The following CSMD1 variants were observed in gnomAD, a reference collection of about 807,000 sequenced individuals.
CSMD1 encodes CUB and sushi domain-containing protein 1.
Under a neutral mutation model 417.5 loss-of-function variants are expected in CSMD1, and 213 were observed. That is an observed-to-expected ratio of 0.51 (90% CI 0.46 to 0.57). The LOEUF (loss-of-function observed/expected upper bound fraction) is 0.57. CSMD1 is among the 20% of genes least tolerant of loss of function. The probability of loss-of-function intolerance (pLI) is 0.00; values close to 1 mark genes in which losing one functional copy is unlikely to be tolerated. For missense variants in CSMD1, 6,923 were observed against 4,529.7 expected (o/e 1.53, Z -15.17); for synonymous variants, 2,862 against 1,736.8 (o/e 1.65, Z -16.11).
intron 12 of CSMD1, among the ~76,000 whole-genome samples, chr8:3,419,371 G>C (rs1289159113): frequency 6.6e-6 from 1 of 152,176 alleles, no homozygotes; most frequent in East Asian, 1.9e-4. Context: ...TGAAGGTGCT[G>C]ATCACCAGAT....
intron 25 of CSMD1, among the ~76,000 whole-genome samples, chr8:3,286,976 A>C (rs544194136): frequency 6.3e-4 from 96 of 152,234 alleles, no homozygotes; most frequent in African/African-American, 2.3e-3. Context: ...TTAAGTCTTT[A>C]ATCCATCTTG....
chr8:3,627,439 A>G (rs1796548833), intron 7 of CSMD1, among the ~76,000 whole-genome samples: 1 of 152,212 alleles, frequency 6.6e-6, no homozygotes, highest in Non-Finnish European at 1.5e-5. Flanking sequence ...AGACATTAAC[A>G]TGCACTGAGA....
chr8:3,711,998 G>C (rs146850939), intron 6 of CSMD1, among the ~76,000 whole-genome samples: 2,063 of 152,252 alleles, frequency 0.014, 41 homozygotes, highest in African/African-American at 0.047. Flanking sequence ...TCTGAAAGCT[G>C]GATGAGCTAA....
chr8:4,093,486 G>A (rs576636620), intron 3 of CSMD1, among the ~76,000 whole-genome samples: 26 of 152,222 alleles, frequency 1.7e-4, no homozygotes, highest in Non-Finnish European at 2.8e-4. Flanking sequence ...AAGTTACATA[G>A]ATGTTATGTT....
At chr8:4,320,157 T>G (rs1044358859) in intron 3 of CSMD1, among the ~76,000 whole-genome samples, 5 of 152,112 alleles carry the variant, frequency 3.3e-5, no homozygotes, top group African/African-American at 1.2e-4. Context: ...AAAACTTTAT[T>G]TAGAGAAATG....
chr8:4,246,476 T>C (rs1272701885), intron 3 of CSMD1, among the ~76,000 whole-genome samples: 1 of 152,198 alleles, frequency 6.6e-6, no homozygotes, highest in Non-Finnish European at 1.5e-5. Flanking sequence ...ATTGGTCTTG[T>C]TACAGAGATA....
chr8:4,743,387 T>A (rs530324548), intron 1 of CSMD1, among the ~76,000 whole-genome samples: 5 of 152,156 alleles, frequency 3.3e-5, no homozygotes, highest in African/African-American at 4.8e-5. Context: ...GAAATTATCA[T>A]CATGAAACAC....
At chr8:4,043,636 T>G (rs1033012197) in intron 3 of CSMD1, among the ~76,000 whole-genome samples, 2 of 152,232 alleles carry the variant, frequency 1.3e-5, no homozygotes, top group Non-Finnish European at 2.9e-5. Flanking sequence ...GAAATGCATT[T>G]TTTAATTCTA....
intron 1 of CSMD1, among the ~76,000 whole-genome samples, chr8:4,759,856 A>G (rs1451197118): frequency 2.0e-5 from 3 of 152,238 alleles, no homozygotes; most frequent in East Asian, 1.9e-4. Flanking sequence ...TATTGTGAAT[A>G]GTACTGCAAT....
At chr8:3,569,067 TATA>T (rs1436618205) in intron 10 of CSMD1, among the ~76,000 whole-genome samples, 1 of 152,186 alleles carries the variant, frequency 6.6e-6, no homozygotes, top group Non-Finnish European at 1.5e-5. Context: ...ATACATATCA[TATA>T]ATATTACTTT....
intron 5 of CSMD1, among the ~76,000 whole-genome samples, chr8:3,779,990 A>G (rs1584986309): frequency 1.3e-5 from 2 of 152,222 alleles, no homozygotes; most frequent in East Asian, 3.8e-4. Flanking sequence ...GTGAACTTCC[A>G]AGCTCCTTTT....
chr8:4,030,756 G>C (rs758992593), intron 4 of CSMD1, among the ~76,000 whole-genome samples: 2 of 152,108 alleles, frequency 1.3e-5, no homozygotes, highest in African/African-American at 2.4e-5. Context: ...CACATTGTCA[G>C]ACTGCAAAGT....
chr8:3,523,500 G>A (rs973794299), intron 10 of CSMD1, among the ~76,000 whole-genome samples: 9 of 152,086 alleles, frequency 5.9e-5, no homozygotes, highest in South Asian at 2.1e-4. Context: ...GCTGGCAGCA[G>A]AAAGGTGATC....
intron 3 of CSMD1, among the ~76,000 whole-genome samples, chr8:4,402,742 C>CT (rs1159459018): frequency 2.0e-5 from 3 of 151,736 alleles, no homozygotes; most frequent in African/African-American, 7.3e-5. Context: ...ATTCAACTAC[C>CT]TCTTTGCATC....
chr8:3,633,047 A>G (rs980573860), intron 7 of CSMD1, among the ~76,000 whole-genome samples: 3 of 152,364 alleles, frequency 2.0e-5, no homozygotes, highest in African/African-American at 7.2e-5. Flanking sequence ...TTTTAGTGTT[A>G]GAGTCTGCCC....
At chr8:4,727,927 A>ATATATATATACACAAAATATATATATG (rs1809568614) in intron 1 of CSMD1, among the ~76,000 whole-genome samples, 1 of 135,000 alleles carries the variant, frequency 7.4e-6, no homozygotes, top group Non-Finnish European at 1.5e-5. Context: ...AATACATCTA[A>ATATATATATACACAAAATATATATATG]TATATATATA....
chr8:3,934,762 A>T lies in CSMD1; in HGVS notation c.818+63141T>A, dbSNP rs145262639. Among the ~76,000 whole-genome samples, 314 of 152,148 alleles carry T rather than the reference A, an allele frequency of 2.1e-3. 1 individual carries two copies. The highest frequency in any genetic ancestry group is 7.2e-3 in the African/African-American group (297 of 41,538). The stretch of plus-strand genomic sequence containing the variant: ...CTCGGGAGGCTGAAGCAGGAGAATC[A>T]CTTGAACCTGGGAAGCAGAGGTTAC... On this transcript the variant is annotated intron_variant, in intron 5 of 69. Transcript: ENST00000635120.
At chr8:3,238,259 A>G (rs949347522) in intron 26 of CSMD1, among the ~76,000 whole-genome samples, 13 of 151,988 alleles carry the variant, frequency 8.6e-5, no homozygotes, top group African/African-American at 3.1e-4. Flanking sequence ...ATTTCACAAG[A>G]TAATGTCATC....
chr8:4,994,292 G>T, intron 1 of CSMD1, 40 bp downstream of exon 1: 1 of 1,584,438 alleles, frequency 6.3e-7, no homozygotes, highest in African/African-American at 1.3e-5. Context: ...GGCCTCCGAG[G>T]GCTCTACCGC....
Sources: gnomAD v4.1 joint callset for allele counts (sites outside exome capture counted in the v4.1 genomes callset) on GRCh38, gnomAD v4.1.1 for gene constraint, MANE v1.5 for transcripts, NCBI Gene and HGNC (gene_info 2026-07-23, HGNC 2026-07-21) for gene names.